AGO2: variants seen among roughly 807,000 people sequenced by gnomAD.
AGO2 encodes argonaute RISC catalytic component 2.
AGO2 carries 5 observed loss-of-function variants against 102.3 expected under a neutral mutation model. That is an observed-to-expected ratio of 0.05 (90% CI 0.03 to 0.10). AGO2 has a LOEUF of 0.10. Ranked by LOEUF, AGO2 falls within the 10% of genes least tolerant of loss-of-function variation. AGO2 has a pLI of 1.00. For synonymous variants in AGO2, 449 were observed against 473.1 expected, an observed-to-expected ratio of 0.95 and a Z score of 0.66; for missense variants, 541 against 1,183.7, an observed-to-expected ratio of 0.46 and a Z score of 7.97.
intron 1 of AGO2, among the ~76,000 whole-genome samples, chr8:140,616,841 G>A (rs187754931): frequency 6.6e-6 from 1 of 152,330 alleles, no homozygotes. Flanking sequence ...AGCACAGGTG[G>A]ATTTACAAGG....
At chr8:140,558,707 G>T in intron 6 of AGO2, 135 bp from the exon 7 acceptor site, 1 of 909,346 alleles carries the variant, frequency 1.1e-6, no homozygotes. Context: ...CCCCTAGGGA[G>T]GGTGACCCAC....
At chr8:140,597,480 C>CCCCCCCCCCCCCCCCCCCA (rs2073864620) in intron 1 of AGO2, among the ~76,000 whole-genome samples, 3 of 132,126 alleles carry the variant, frequency 2.3e-5, no homozygotes, top group Admixed American at 7.9e-5. Flanking sequence ...CCCCACCCCC[C>CCCCCCCCCCCCCCCCCCCA]CCCCCCCGCC....
Position 140,562,613 on chromosome 8 carries a change from G to A in AGO2, c.358C>T (p.Pro120Ser), listed in dbSNP as rs1564088549. ...RDKVELEVTLPGEGKDRIFKV... is the reference protein window; with the variant it reads ...RDKVELEVTLSGEGKDRIFKV... ...AAGATGCGATCCTTGCCTTCTCCTG[G>A]CAGCGTGACCTCCAGCTCCACCTGC... Residue 120 changes from proline to serine, a missense_variant, in exon 4 of 19, where the codon CCA becomes TCA. By Grantham distance (74) the Pro-to-Ser change is moderately conservative. Coordinates refer to ENST00000220592, the MANE Select transcript of AGO2 (RefSeq NM_012154.5). The A allele has an allele frequency of 6.2e-7, 1 of 1,613,742 alleles. No homozygotes were observed.
intron 1 of AGO2, among the ~76,000 whole-genome samples, chr8:140,631,775 T>C (rs1447015497): frequency 6.6e-6 from 1 of 152,188 alleles, no homozygotes; most frequent in African/African-American, 2.4e-5. Flanking sequence ...AACGTCTCCA[T>C]TGCTTTAGAC....
chr8:140,615,184 A>C (rs1407474116), intron 1 of AGO2, among the ~76,000 whole-genome samples: 1 of 152,180 alleles, frequency 6.6e-6, no homozygotes, highest in African/African-American at 2.4e-5. Flanking sequence ...CCAGGAAGTC[A>C]AGGCTGCAGT....
chr8:140,598,566 G>A (rs541478973), intron 1 of AGO2, among the ~76,000 whole-genome samples: 41 of 152,200 alleles, frequency 2.7e-4, no homozygotes, highest in African/African-American at 9.7e-4. Flanking sequence ...CTGCGCGGCA[G>A]CACCGCACCC....
At position 140,567,941 on chromosome 8, in the gene AGO2, T is replaced by C. The variant is rs778533070; in HGVS notation, c.336+4871A>G. On this transcript the variant is annotated intron_variant, in intron 3 of 18. Coordinates refer to ENST00000220592, the MANE Select transcript of AGO2 (RefSeq NM_012154.5). This position sits in a 1 kb window ranked among gnomAD's most constrained non-coding sequence, Gnocchi z 5.0. Reference sequence around the variant, plus strand: ...AGGAGTTGCAGACCAGCCCGGGCAATGTGGCAAAACTCTGTCCCTACAAAA... The same window carrying C: ...AGGAGTTGCAGACCAGCCCGGGCAACGTGGCAAAACTCTGTCCCTACAAAA... Among the ~76,000 whole-genome samples the C allele has an allele frequency of 2.6e-5, 4 of 151,476 alleles. No individual in the cohort carries two copies. The highest frequency in any genetic ancestry group is 1.9e-4 in the East Asian group (1 of 5,150).
intron 12 of AGO2, 35 bp downstream of exon 12, chr8:140,549,079 G>A (rs374399102): frequency 1.2e-5 from 19 of 1,565,452 alleles, no homozygotes; most frequent in South Asian, 2.3e-5. Context: ...AGACCACGAC[G>A]GCTCCCCACA....
intron 1 of AGO2, among the ~76,000 whole-genome samples, chr8:140,618,886 T>G (rs1433944372): frequency 1.3e-5 from 2 of 152,050 alleles, no homozygotes; most frequent in Non-Finnish European, 2.9e-5. Flanking sequence ...TTTTTCTTTT[T>G]ACTTCCACAT....
chr8:140,558,198 A>G (rs73713187), intron 7 of AGO2, among the ~76,000 whole-genome samples: 2,781 of 152,294 alleles, frequency 0.018, 102 homozygotes, highest in African/African-American at 0.065. Context: ...AGGATGGGAC[A>G]ATGAACACAA....
rs2073309067 is a variant in AGO2, at chr8:140,567,650, C to T, written c.337-5016G>A. 6.6e-6 allele frequency among the ~76,000 whole-genome samples: 1 copy of T among 152,232 alleles called. No individual in the cohort carries two copies. Among genetic ancestry groups the T allele is most frequent in the African/African-American group, 2.4e-5 (1 of 41,456 alleles). On this transcript the variant is annotated intron_variant, in intron 3 of 18. Coordinates refer to ENST00000220592, the MANE Select transcript of AGO2 (RefSeq NM_012154.5). This position sits in a 1 kb window ranked among gnomAD's most constrained non-coding sequence, Gnocchi z 5.0. ...GATAATAGAAAATGTCAGCCCAGGA[C>T]TCGATCCAAGGCCTGGAGCACGGCG...
chr8:140,603,755 A>G (rs1180630143), intron 1 of AGO2, among the ~76,000 whole-genome samples: 1 of 152,212 alleles, frequency 6.6e-6, no homozygotes, highest in African/African-American at 2.4e-5. Flanking sequence ...CTCCAGCCCC[A>G]CGCTGCTGTG....
intron 17 of AGO2, 178 bp downstream of exon 17, chr8:140,535,290 A>G: frequency 1.8e-6 from 1 of 541,322 alleles, no homozygotes; most frequent in Non-Finnish European, 3.3e-6. Flanking sequence ...CCCACCCCCC[A>G]GGCCCCTCTC....
At chr8:140,550,209 G>A (rs1008702717) in intron 11 of AGO2, among the ~76,000 whole-genome samples, 2 of 152,234 alleles carry the variant, frequency 1.3e-5, no homozygotes, top group Non-Finnish European at 2.9e-5. Context: ...CCACTCGCCA[G>A]CAAGACGTCA....
At position 140,547,487 on chromosome 8, in the gene AGO2, T is replaced by A. The variant is rs1333438491; in HGVS notation, c.1729A>T (p.Ile577Phe). 6.2e-7 allele frequency: 1 copy of A among 1,613,960 alleles called. No individual in the cohort carries two copies. Among genetic ancestry groups the A allele is most frequent in the Non-Finnish European group, 8.5e-7 (1 of 1,179,924 alleles). Reference sequence around the variant, plus strand: ...CCTCACCTGCCCTGGGGCAGCAGGATGTTGTTCACGCCTCCCAGCTTGACG... The same window carrying A: ...CCTCACCTGCCCTGGGGCAGCAGGAAGTTGTTCACGCCTCCCAGCTTGACG... ...INVKLGGVNN[I>F]LLPQGRPPVF... is the part of the protein sequence containing the mutation. Residue 577 changes from isoleucine (I) to phenylalanine (F), a missense_variant, in exon 13 of 19, where the codon ATC becomes TTC. Physicochemically the swap from Ile to Phe is conservative, Grantham distance 21. Transcript: ENST00000220592.
chr8:140,625,061 A>C (rs1384002439), intron 1 of AGO2, among the ~76,000 whole-genome samples: 1 of 152,108 alleles, frequency 6.6e-6, no homozygotes, highest in Non-Finnish European at 1.5e-5. Flanking sequence ...CAGTGGCCAC[A>C]GGGATCCTTT....
chr8:140,614,943 T>C (rs1343193998), intron 1 of AGO2, among the ~76,000 whole-genome samples: 1 of 152,236 alleles, frequency 6.6e-6, no homozygotes, highest in Non-Finnish European at 1.5e-5. Flanking sequence ...TGTGTGACTC[T>C]TGGTAACATC....
At chr8:140,631,209 GGGGGA>G (rs1452029399) in intron 1 of AGO2, among the ~76,000 whole-genome samples, 1 of 152,190 alleles carries the variant, frequency 6.6e-6, no homozygotes, top group Non-Finnish European at 1.5e-5. Flanking sequence ...AAAAAACGGA[GGGGGA>G]GGGGAGGCAC....
intron 1 of AGO2, chr8:140,606,011 G>A (rs2073993672): frequency 6.6e-6 from 1 of 152,242 alleles, no homozygotes; most frequent in Non-Finnish European, 1.5e-5. Context: ...AACATGACCA[G>A]TGCTATCAAC....
Sources: gnomAD v4.1 joint callset for allele counts (sites outside exome capture counted in the v4.1 genomes callset) on GRCh38, gnomAD v4.1.1 for gene constraint, Gnocchi (gnomAD v3.1) non-coding constraint, MANE v1.5 for transcripts, NCBI Gene and HGNC (gene_info 2026-07-23, HGNC 2026-07-21) for gene names.